Variants in POLRMT observed in about 807,000 individuals in gnomAD.
POLRMT encodes the protein RNA polymerase mitochondrial, also known as DNA-directed RNA polymerase, mitochondrial.
Under a neutral mutation model 132.2 loss-of-function variants are expected in POLRMT, and 114 were observed. The observed-to-expected ratio is 0.86, with a 90% CI of 0.74 to 1.01. The LOEUF is 1.01. POLRMT is among the 50% of genes least tolerant of loss of function. The probability of loss-of-function intolerance (pLI) is 0.00; values close to 1 mark genes in which losing one functional copy is unlikely to be tolerated. For missense variants in POLRMT, 2,003 were observed against 1,729.1 expected, an observed-to-expected ratio of 1.16 and a Z score of -2.81; for synonymous variants, 1,020 against 773.4, an observed-to-expected ratio of 1.32 and a Z score of -5.29.
In POLRMT at chr19:625,134, T is replaced by C. The variant is rs770659619; in HGVS notation, c.943A>G (p.Thr315Ala). Residue 315 changes from threonine to alanine, a missense_variant, in exon 4 of 21, where the codon ACC becomes GCC. By Grantham distance (58) the Thr-to-Ala change is moderately conservative. Transcript: ENST00000588649. Reference sequence around the variant, plus strand: ...CCCGACACCACCTACCTTTCGATGGTCCCGGCGTCCTGGTCCTGCCTCCCC... The same window carrying C: ...CCCGACACCACCTACCTTTCGATGGCCCCGGCGTCCTGGTCCTGCCTCCCC... Reference protein sequence around the residue: ...CMGRQDQDAGTIERCLEQMSQ... With the variant: ...CMGRQDQDAGAIERCLEQMSQ... 1.9e-6 allele frequency: 3 copies of C among 1,612,888 alleles called. No individual in the cohort carries two copies. The highest frequency in any genetic ancestry group is 2.5e-6 in the Non-Finnish European group (3 of 1,179,640).
intron 17 of POLRMT, 69 bp downstream of exon 17, chr19:618,419 G>A (rs932288793): frequency 5.6e-6 from 7 of 1,260,838 alleles, no homozygotes; most frequent in Non-Finnish European, 5.6e-6. Context: ...AGCCTTGCCA[G>A]CTGTGCCCTG....
In POLRMT at chr19:623,647, G is replaced by A. The variant is rs200627153; in HGVS notation, c.1141-44C>T. The A allele has an allele frequency of 5.6e-6, 9 of 1,599,864 alleles. No individual in the cohort carries two copies. The East Asian group carries it at 1.1e-4, about 20-fold the overall frequency. On this transcript the variant is annotated intron_variant, in intron 5 of 20. Transcript: ENST00000588649. ...TGAGGTTGGGGGCTTGCCAGAGGGCGACCTGCCCTCCCAGGACCCCGAGAC... is the reference window on the plus strand; with the variant it reads ...TGAGGTTGGGGGCTTGCCAGAGGGCAACCTGCCCTCCCAGGACCCCGAGAC...
At chr19:626,638 A>C (rs1345797456) in intron 3 of POLRMT, among the ~76,000 whole-genome samples, 1 of 133,110 alleles carries the variant, frequency 7.5e-6, no homozygotes, top group Non-Finnish European at 1.5e-5. Context: ...TACAAAAAAA[A>C]AAAAAAAAAA....
rs181002688 is a variant in POLRMT, at chr19:620,075, G to C, written c.2769C>G (p.Gly923=). ...YVSHLPVHQD[G]SCNGLQHYAA... The stretch of plus-strand genomic sequence containing the variant: ...CATAATGCTGCAGGCCGTTGCAAGA[G>C]CCGTCCTGAGGAAGGGGCGGCAAAC... The change falls in exon 12 of 21, where the codon GGC becomes GGG. Residue 923 remains glycine (G), a synonymous_variant. Coordinates refer to ENST00000588649, the MANE Select transcript of POLRMT (RefSeq NM_005035.4). The C allele has an allele frequency of 2.6e-6, 4 of 1,541,382 alleles. No individual in the cohort carries two copies. Among genetic ancestry groups the C allele is most frequent in the Non-Finnish European group, 3.5e-6 (4 of 1,148,298 alleles).
chr19:621,560 A>C lies in POLRMT; in HGVS notation c.2138T>G (p.Val713Gly). ...GNCAWRVNGR[V>G]LDLVLQLFQA... The stretch of plus-strand genomic sequence containing the variant: ...GAAGAGCTGCAGCACCAGGTCCAGC[A>C]CGCGCCCGTTGACGCGCCAGGCGCA... The change falls in exon 10 of 21, where the codon GTG becomes GGG. Residue 713 changes from valine (V) to glycine (G), a missense_variant. Coordinates refer to ENST00000588649, the MANE Select transcript of POLRMT (RefSeq NM_005035.4). The C allele has an allele frequency of 6.9e-7, 1 of 1,448,436 alleles. No homozygotes were observed. The highest frequency in any genetic ancestry group is 1.4e-5 in the South Asian group (1 of 70,678). The allele number at this position is 1,448,436 out of a possible 1,614,324, so 89.7% of individuals were successfully genotyped here. A position where few individuals can be genotyped will look rare whatever the true frequency, so the allele number is the denominator to read the frequency against.
intron 17 of POLRMT, 181 bp from the exon 18 acceptor site, chr19:618,030 G>T (rs1043759200): frequency 1.0e-5 from 6 of 587,260 alleles, no homozygotes; most frequent in African/African-American, 6.1e-5. Flanking sequence ...TATCAGTACA[G>T]GGGGAGGAAA....
chr19:623,878 G>T (rs756702654), intron 5 of POLRMT, among the ~76,000 whole-genome samples: 1 of 152,172 alleles, frequency 6.6e-6, no homozygotes, highest in Non-Finnish European at 1.5e-5. Context: ...AGAGCCTGGG[G>T]AGACCGTTCA....
intron 11 of POLRMT, 47 bp downstream of exon 11, chr19:620,318 C>A (rs764575228): frequency 2.5e-5 from 38 of 1,510,806 alleles, no homozygotes; most frequent in Non-Finnish European, 3.3e-5. Context: ...GAGCCCCAGG[C>A]CCAGTGCACA....
In POLRMT at chr19:621,490, G is replaced by T. The variant is rs920676132; in HGVS notation, c.2208C>A (p.Ser736=). The T allele has an allele frequency of 1.3e-5, 18 of 1,365,506 alleles. No homozygotes were observed. Among genetic ancestry groups the T allele is most frequent in the African/African-American group, 3.1e-5 (2 of 65,004 alleles). 84.6% of individuals were successfully genotyped at this position (1,365,506 alleles called of 1,614,324 possible). A position where few individuals can be genotyped will look rare whatever the true frequency, so the allele number is the denominator to read the frequency against. Residue 736 remains serine (S), a synonymous_variant, in exon 10 of 21, where the codon TCC becomes TCA. Coordinates refer to ENST00000588649, the MANE Select transcript of POLRMT (RefSeq NM_005035.4). ...CPQLGVPAPP[S]EAPQPPEAHL... is the part of the protein sequence containing the mutation. The stretch of plus-strand genomic sequence containing the variant: ...GGGCCTCGGGCGGCTGGGGCGCCTC[G>T]GAGGGCGGGGCCGGCACGCCTAGCT...
chr19:633,389 G>A, intron 1 of POLRMT, 36 bp downstream of exon 1: 1 of 1,473,876 alleles, frequency 6.8e-7, no homozygotes, highest in Non-Finnish European at 9.0e-7. Context: ...CCACGCCGTG[G>A]CCCCCGGGCT....
chr19:628,450 T>C (rs771964645), intron 3 of POLRMT, among the ~76,000 whole-genome samples: 1 of 152,210 alleles, frequency 6.6e-6, no homozygotes, highest in Non-Finnish European at 1.5e-5. Context: ...ACCGCAAGAC[T>C]GGCCCCACCT....
intron 2 of POLRMT, among the ~76,000 whole-genome samples, chr19:631,980 G>A (rs980786911): frequency 6.6e-6 from 1 of 152,134 alleles, no homozygotes; most frequent in East Asian, 1.9e-4. Context: ...TCACCATGTT[G>A]GCCAGGCTGG....
chr19:629,837 C>T lies in POLRMT; in HGVS notation c.525G>A (p.Leu175=), dbSNP rs1376903822. Residue 175 remains leucine, a synonymous_variant, in exon 3 of 21, where the codon CTG becomes CTA. Transcript: ENST00000588649. ...CGGGGGCCTGGCGCGTGCAGTCCTC[C>T]AGGCACCCGGCCATCTGCTTGCTCA... is the stretch of plus-strand genomic sequence containing the variant. ...RLLSKQMAGC[L]EDCTRQAPES... The T allele has an allele frequency of 6.2e-7, 1 of 1,604,320 alleles. No homozygotes were observed.
chr19:622,815 A>C lies in POLRMT; in HGVS notation c.1455+6T>G. 6.3e-7 allele frequency: 1 copy of C among 1,586,516 alleles called. No homozygotes were observed. Among genetic ancestry groups the C allele is most frequent in the Non-Finnish European group, 8.6e-7 (1 of 1,167,486 alleles). Reference sequence around the variant, plus strand: ...CGGGGACCCGGCCGCGCGGAGGAAGACGCACCTGCAGGAGCATCCGCACCA... The same window carrying C: ...CGGGGACCCGGCCGCGCGGAGGAAGCCGCACCTGCAGGAGCATCCGCACCA... On this transcript the variant is annotated splice_donor_region_variant and intron_variant, in intron 7 of 20. Coordinates refer to ENST00000588649, the MANE Select transcript of POLRMT (RefSeq NM_005035.4).
At position 619,005 on chromosome 19, in the gene POLRMT, T is replaced by TG; in HGVS notation, c.3258dup (p.Lys1087GlnfsTer28). ...TGGGGTGGTACACTGACCTTGACCTTGGAGTCCAGGCGATAGGGCTGGATG... is the reference window on the plus strand; with the variant it reads ...TGGGGTGGTACACTGACCTTGACCTTGGGAGTCCAGGCGATAGGGCTGGATG... On this transcript the variant is annotated frameshift_variant, in exon 15 of 21. Coordinates refer to ENST00000588649, the MANE Select transcript of POLRMT (RefSeq NM_005035.4). LOFTEE classifies it high-confidence loss of function. 1 of 1,583,008 alleles carries TG rather than the reference T, an allele frequency of 6.3e-7. No individual in the cohort carries two copies.
chr19:625,283 G>A (rs768221640), intron 3 of POLRMT, 29 bp from the exon 4 acceptor site: 3 of 1,611,730 alleles, frequency 1.9e-6, no homozygotes, highest in Non-Finnish European at 2.5e-6. Context: ...GTGAGGGTCT[G>A]GGGGGATGGC....
Position 619,225 on chromosome 19 carries a change from C to G in POLRMT, c.3138G>C (p.Gly1046=), listed in dbSNP as rs763873713. 6.2e-7 allele frequency: 1 copy of G among 1,610,648 alleles called. No homozygotes were observed. Among genetic ancestry groups the G allele is most frequent in the South Asian group, 1.1e-5 (1 of 90,856 alleles). The change falls in exon 14 of 21, where the codon GGG becomes GGC. Residue 1046 remains glycine, a synonymous_variant. Coordinates refer to ENST00000588649, the MANE Select transcript of POLRMT (RefSeq NM_005035.4). The stretch of plus-strand genomic sequence containing the variant: ...CAGGACGTACCTGGATGGCCCGGGT[C>G]CCCGAGAACATCTCCTGTAGACTCT... ...VFKSLQEMFS[G]TRAIQHWLTE...
intron 11 of POLRMT, 58 bp from the exon 12 acceptor site, chr19:620,138 C>T (rs1232374498): frequency 2.0e-6 from 3 of 1,526,582 alleles, no homozygotes; most frequent in South Asian, 1.2e-5. Context: ...CGTGTGGGAC[C>T]CCAAACCACC....
At position 630,158 on chromosome 19, in the gene POLRMT, C is replaced by T. The variant is rs369019835; in HGVS notation, c.204G>A (p.Ala68=). The T allele has an allele frequency of 2.5e-5, 40 of 1,594,446 alleles. No individual in the cohort carries two copies. In the South Asian group the frequency reaches 2.6e-4, roughly 10 times the overall value. Residue 68 remains alanine (A), a synonymous_variant, in exon 3 of 21, where the codon GCG becomes GCA. Coordinates refer to ENST00000588649, the MANE Select transcript of POLRMT (RefSeq NM_005035.4). ...TCTCAGCCTGCAGCTGCCGCACCCGCGCCTGGAGCACTGTGAGGGGCAGAA... is the reference window on the plus strand; with the variant it reads ...TCTCAGCCTGCAGCTGCCGCACCCGTGCCTGGAGCACTGTGAGGGGCAGAA... ...GHVELLEVLQ[A]RVRQLQAESV... is the part of the protein sequence containing the mutation.
Sources: gnomAD v4.1 joint callset for allele counts (sites outside exome capture counted in the v4.1 genomes callset) on GRCh38, gnomAD v4.1.1 for gene constraint, MANE v1.5 for transcripts, NCBI Gene and HGNC (gene_info 2026-07-23, HGNC 2026-07-21) for gene names.